CHL1: variants seen among roughly 807,000 people sequenced by gnomAD.
CHL1 encodes neural cell adhesion molecule L1-like protein.
Under a neutral mutation model 141.9 loss-of-function variants are expected in CHL1, and 96 were observed. That is an observed-to-expected ratio of 0.68 (90% CI 0.57 to 0.80). The LOEUF (loss-of-function observed/expected upper bound fraction) is 0.80, where lower values mean the gene tolerates loss of function less well. Ranked by LOEUF, CHL1 falls within the 30% of genes least tolerant of loss-of-function variation. The pLI, the probability that CHL1 is intolerant of heterozygous loss-of-function variation, is 0.00. For missense variants in CHL1, 1,820 were observed against 1,457.2 expected (o/e 1.25, Z -4.05); for synonymous variants, 613 against 502.2 (o/e 1.22, Z -2.95).
At chr3:302,872 C>T (rs1575007007) in intron 2 of CHL1, among the ~76,000 whole-genome samples, 1 of 151,964 alleles carries the variant, frequency 6.6e-6, no homozygotes, top group East Asian at 1.9e-4. Flanking sequence ...TTTTTATGGT[C>T]TAGGTCTTAC....
chr3:330,269 G>C (rs1193287455), intron 5 of CHL1, among the ~76,000 whole-genome samples: 1 of 152,048 alleles, frequency 6.6e-6, no homozygotes, highest in Non-Finnish European at 1.5e-5. Flanking sequence ...AAGGAAAATA[G>C]AATATATTTT....
chr3:260,236 A>C (rs57197219), intron 2 of CHL1, among the ~76,000 whole-genome samples: 8,534 of 152,098 alleles, frequency 0.056, 763 homozygotes, highest in African/African-American at 0.2. Context: ...TGCACTCCAG[A>C]CTGGGTGACA....
intron 9 of CHL1, among the ~76,000 whole-genome samples, chr3:345,392 A>C (rs1702679693): frequency 6.6e-6 from 1 of 152,200 alleles, no homozygotes; most frequent in Non-Finnish European, 1.5e-5. Context: ...AGAGAGTTTT[A>C]CATCAAAATC....
chr3:200,655 T>G (rs1389976133), intron 1 of CHL1, among the ~76,000 whole-genome samples: 1 of 152,208 alleles, frequency 6.6e-6, no homozygotes, highest in Non-Finnish European at 1.5e-5. Context: ...TGCTAAGCAT[T>G]CTTTCAAAGA....
At chr3:338,086 G>A (rs576038996) in intron 5 of CHL1, among the ~76,000 whole-genome samples, 7 of 152,144 alleles carry the variant, frequency 4.6e-5, no homozygotes, top group East Asian at 1.9e-4. Context: ...GGATGGTCTC[G>A]ATCTCCTGAC....
chr3:255,308 C>G (rs542413364), intron 2 of CHL1, among the ~76,000 whole-genome samples: 1 of 152,144 alleles, frequency 6.6e-6, no homozygotes, highest in Non-Finnish European at 1.5e-5. Context: ...TGCTAGGATT[C>G]AAAGGCAACA....
rs188196702 is a variant in CHL1, at chr3:204,487, A to G, written c.-175+7424A>G. Among the ~76,000 whole-genome samples, 288 of 152,362 alleles carry G rather than the reference A, an allele frequency of 1.9e-3. 1 individual carries two copies. Among genetic ancestry groups the G allele is most frequent in the African/African-American group, 6.6e-3 (274 of 41,586 alleles). On this transcript the variant is annotated intron_variant, in intron 1 of 27. Transcript: ENST00000256509. ...CTTAATGTGAGGAATTTTTATTTCC[A>G]GGGACTAAGAGATGTATTTCCCAGA...
At chr3:339,160 G>T (rs1160788070) in intron 5 of CHL1, among the ~76,000 whole-genome samples, 3 of 152,144 alleles carry the variant, frequency 2.0e-5, no homozygotes, top group Non-Finnish European at 4.4e-5. Flanking sequence ...AGTGTTTACT[G>T]GGCTTAAGTT....
intron 5 of CHL1, among the ~76,000 whole-genome samples, chr3:332,450 G>C (rs1373804168): frequency 6.6e-6 from 1 of 152,124 alleles, no homozygotes; most frequent in African/African-American, 2.4e-5. Flanking sequence ...CTGACAAAAA[G>C]GTGATGACGA....
chr3:367,305 A>G (rs971964607), intron 15 of CHL1, among the ~76,000 whole-genome samples: 7 of 152,168 alleles, frequency 4.6e-5, no homozygotes, highest in Non-Finnish European at 8.8e-5. Context: ...AAATCTGAAA[A>G]TGTTTAGATA....
chr3:286,240 C>A (rs162587), intron 2 of CHL1, among the ~76,000 whole-genome samples: 2 of 152,014 alleles, frequency 1.3e-5, no homozygotes, highest in African/African-American at 4.8e-5. Context: ...CTGATCCATG[C>A]CCCAAAAGTG....
chr3:292,584 G>T (rs763173133), intron 2 of CHL1, among the ~76,000 whole-genome samples: 1 of 152,186 alleles, frequency 6.6e-6, no homozygotes, highest in African/African-American at 2.4e-5. Context: ...TCACAAGTGT[G>T]TTGAGCTGTT....
intron 2 of CHL1, among the ~76,000 whole-genome samples, chr3:315,054 ATCCACAAAGT>A (rs1700059197): frequency 6.6e-6 from 1 of 152,160 alleles, no homozygotes; most frequent in Non-Finnish European, 1.5e-5. Flanking sequence ...CTCTAATAGC[ATCCACAAAGT>A]TAACCATGCT....
chr3:276,616 A>G (rs9824712), intron 2 of CHL1, among the ~76,000 whole-genome samples: 31,721 of 151,950 alleles, frequency 0.21, 4,537 homozygotes, highest in East Asian at 0.64. Context: ...GGGGCTGGGC[A>G]CGGTGGCTCA....
At chr3:236,635 C>T (rs910134019) in intron 1 of CHL1, among the ~76,000 whole-genome samples, 1 of 152,122 alleles carries the variant, frequency 6.6e-6, no homozygotes, top group South Asian at 2.1e-4. Flanking sequence ...TGGAGGATTT[C>T]CTGTCTTCCA....
At chr3:377,751 A>G (rs927836118) in intron 15 of CHL1, 67 bp from the exon 16 acceptor site, 1 of 1,386,532 alleles carries the variant, frequency 7.2e-7, no homozygotes, top group East Asian at 2.3e-5. Context: ...TGCATTTTTA[A>G]AAGAATTGGG....
At chr3:347,000 G>T (rs555949005) in intron 9 of CHL1, among the ~76,000 whole-genome samples, 3 of 152,122 alleles carry the variant, frequency 2.0e-5, no homozygotes, top group South Asian at 2.1e-4. Context: ...TCTCAAGATA[G>T]GTCTATATCT....
chr3:282,237 T>C (rs1696727293), intron 2 of CHL1, among the ~76,000 whole-genome samples: 1 of 152,216 alleles, frequency 6.6e-6, no homozygotes, highest in Non-Finnish European at 1.5e-5. Flanking sequence ...CTTAATAGTA[T>C]ACAGAAACTT....
At chr3:388,634 A>AT (rs1459515270) in intron 19 of CHL1, among the ~76,000 whole-genome samples, 4 of 152,122 alleles carry the variant, frequency 2.6e-5, no homozygotes, top group Non-Finnish European at 1.5e-5. Context: ...TAAGGGTGAC[A>AT]TTTTTTCTTA....
Sources: gnomAD v4.1 joint callset for allele counts (sites outside exome capture counted in the v4.1 genomes callset) on GRCh38, gnomAD v4.1.1 for gene constraint, MANE v1.5 for transcripts, NCBI Gene and HGNC (gene_info 2026-07-23, HGNC 2026-07-21) for gene names.